CTNNA2: variants seen among roughly 807,000 people sequenced by gnomAD.
CTNNA2 encodes catenin alpha 2, also known as catenin alpha-2.
Under a neutral mutation model 101.0 loss-of-function variants are expected in CTNNA2, and 42 were observed. The ratio of observed to expected loss-of-function variants is 0.42; its 90% CI spans 0.32 to 0.54. The LOEUF (loss-of-function observed/expected upper bound fraction) is 0.54, where lower values mean the gene tolerates loss of function less well. CTNNA2 is among the 20% of genes least tolerant of loss of function. The pLI is 0.14. For synonymous variants in CTNNA2, 450 were observed against 456.4 expected (o/e 0.99, Z 0.18); for missense variants, 871 against 1,223.1 (o/e 0.71, Z 4.29).
intron 6 of CTNNA2, among the ~76,000 whole-genome samples, chr2:79,894,319 G>A (rs1250663589): frequency 6.6e-6 from 1 of 151,610 alleles, no homozygotes; most frequent in African/African-American, 2.4e-5. Flanking sequence ...TTCCTAACTG[G>A]TTGCCCTGCC....
At chr2:80,206,345 T>G (rs7599178) in intron 7 of CTNNA2, among the ~76,000 whole-genome samples, 104,602 of 152,080 alleles carry the variant, frequency 0.69, 36,863 homozygotes, top group African/African-American at 0.85. Flanking sequence ...TGGGGAGAGG[T>G]ACTCACACAC....
At chr2:79,655,053 A>G (rs906240343) in intron 2 of CTNNA2, among the ~76,000 whole-genome samples, 3 of 152,188 alleles carry the variant, frequency 2.0e-5, no homozygotes, top group Non-Finnish European at 4.4e-5. Context: ...GTTTTATAAA[A>G]TATTGGTCTG....
At chr2:79,305,949 G>A in intron 2 of CTNNA2, among the ~76,000 whole-genome samples, 1 of 151,088 alleles carries the variant, frequency 6.6e-6, no homozygotes, top group Non-Finnish European at 1.5e-5. Context: ...GGGAGGCTCA[G>A]GCAGGAGAAT....
chr2:80,108,711 G>C (rs1027533283), intron 7 of CTNNA2, among the ~76,000 whole-genome samples: 52 of 152,154 alleles, frequency 3.4e-4, no homozygotes, highest in Non-Finnish European at 7.2e-4. Flanking sequence ...GAGATGGCAA[G>C]CAGCTTTCCC....
rs144396374 is a variant in CTNNA2, at chr2:80,613,528, C to T, written c.2430+5210C>T. 6.7e-3 allele frequency among the ~76,000 whole-genome samples: 1,013 copies of T among 151,202 alleles called. 9 individuals are homozygous for T. The highest frequency in any genetic ancestry group is 0.022 in the African/African-American group (898 of 41,374). On this transcript the variant is annotated intron_variant, in intron 17 of 18. Transcript: ENST00000402739. ...TTCTCTGAATTCAGACAGTCTTGTA[C>T]GAAGGAGTCTGGTATACTGCTCCAC...
intron 1 of CTNNA2, among the ~76,000 whole-genome samples, chr2:79,526,679 T>C (rs752318947): frequency 2.0e-4 from 31 of 152,092 alleles, no homozygotes; most frequent in Non-Finnish European, 2.9e-4. Context: ...CATATATTTA[T>C]GGTTAATTGA....
chr2:79,345,131 A>T (rs1042899690), intron 3 of CTNNA2, among the ~76,000 whole-genome samples: 3 of 151,552 alleles, frequency 2.0e-5, no homozygotes, highest in Non-Finnish European at 4.4e-5. Context: ...AAAATGTAAC[A>T]AATCAACAAA....
Position 79,829,003 on chromosome 2 carries a change from A to C in CTNNA2, c.299-29010A>C, listed in dbSNP as rs1469736552. 1.3e-5 allele frequency among the ~76,000 whole-genome samples: 2 copies of C among 152,134 alleles called. 1 individual carries two copies. Among genetic ancestry groups the C allele is most frequent in the South Asian group, 4.1e-4 (2 of 4,822 alleles). ...TCTTAGTTGAGTCTTTCCTTGGTGG[A>C]CTTATTGATGTGTTTAAGTGAAATG... On this transcript the variant is annotated intron_variant, in intron 3 of 18. Coordinates refer to ENST00000402739, the MANE Select transcript of CTNNA2 (RefSeq NM_001282597.3).
At chr2:80,085,539 G>T (rs1273333506) in intron 7 of CTNNA2, among the ~76,000 whole-genome samples, 1 of 152,066 alleles carries the variant, frequency 6.6e-6, no homozygotes, top group East Asian at 1.9e-4. Flanking sequence ...AGTTATGTAT[G>T]CACACCTGTA....
chr2:80,587,380 G>A (rs1696068330), intron 14 of CTNNA2, among the ~76,000 whole-genome samples: 1 of 152,072 alleles, frequency 6.6e-6, no homozygotes, highest in Admixed American at 6.6e-5. Flanking sequence ...TAGTTGGAAA[G>A]GCAAATTAAT....
intron 9 of CTNNA2, among the ~76,000 whole-genome samples, chr2:80,513,477 C>A (rs141181594): frequency 6.6e-6 from 1 of 152,154 alleles, no homozygotes; most frequent in Non-Finnish European, 1.5e-5. Context: ...GTTTTAGGTA[C>A]GGTTTTCTTC....
intron 9 of CTNNA2, among the ~76,000 whole-genome samples, chr2:80,424,338 T>C (rs1356534351): frequency 2.0e-5 from 3 of 152,228 alleles, no homozygotes; most frequent in African/African-American, 7.2e-5. Flanking sequence ...CCATGTTTCA[T>C]ATTATTGAAT....
At chr2:79,866,827 A>T (rs1183992901) in intron 4 of CTNNA2, among the ~76,000 whole-genome samples, 2 of 152,002 alleles carry the variant, frequency 1.3e-5, no homozygotes, top group African/African-American at 4.8e-5. Flanking sequence ...TGCATTTCTT[A>T]TCTCCTTTAA....
At chr2:79,607,364 G>C (rs1677962226) in intron 1 of CTNNA2, among the ~76,000 whole-genome samples, 1 of 152,056 alleles carries the variant, frequency 6.6e-6, no homozygotes, top group Admixed American at 6.6e-5. Flanking sequence ...AAATCAGCGG[G>C]GACATAGAAG....
At chr2:79,308,919 T>C (rs1676306078) in intron 2 of CTNNA2, among the ~76,000 whole-genome samples, 2 of 152,102 alleles carry the variant, frequency 1.3e-5, no homozygotes, top group East Asian at 1.9e-4. Context: ...TTTTATTTAC[T>C]CTTTCAGATA....
chr2:80,379,030 CTCT>C (rs1676259582), intron 7 of CTNNA2, among the ~76,000 whole-genome samples: 1 of 151,964 alleles, frequency 6.6e-6, no homozygotes, highest in African/African-American at 2.4e-5. Context: ...CTCAGAGAAA[CTCT>C]TCTTCTTGAG....
At chr2:80,638,850 A>C (rs533894576) in intron 18 of CTNNA2, among the ~76,000 whole-genome samples, 1 of 152,216 alleles carries the variant, frequency 6.6e-6, no homozygotes, top group Non-Finnish European at 1.5e-5. Flanking sequence ...TGAGAAAGTT[A>C]CCAAAGAGCC....
chr2:80,497,300 G>A (rs917520436), intron 9 of CTNNA2, among the ~76,000 whole-genome samples: 9 of 152,320 alleles, frequency 5.9e-5, no homozygotes, highest in South Asian at 4.1e-4. Flanking sequence ...TGAAATACCA[G>A]AGGCCACAGT....
intron 3 of CTNNA2, among the ~76,000 whole-genome samples, chr2:79,846,514 CA>C (rs893997736): frequency 2.6e-5 from 4 of 152,134 alleles, no homozygotes; most frequent in Non-Finnish European, 5.9e-5. Context: ...AATACATACA[CA>C]TAAGTGGAGT....
Sources: gnomAD v4.1 joint callset for allele counts (sites outside exome capture counted in the v4.1 genomes callset) on GRCh38, gnomAD v4.1.1 for gene constraint, MANE v1.5 for transcripts, NCBI Gene and HGNC (gene_info 2026-07-23, HGNC 2026-07-21) for gene names.